The following FBXO32 variants were observed in gnomAD, a reference collection of about 807,000 sequenced individuals.
The protein encoded by FBXO32 is F-box protein 32.
A neutral mutation model predicts 48.3 loss-of-function variants in FBXO32; 15 were observed. The observed-to-expected ratio is 0.31, with a 90% CI of 0.21 to 0.48. FBXO32 has a LOEUF of 0.48. Ranked by LOEUF, FBXO32 falls within the 20% of genes least tolerant of loss-of-function variation. The pLI is 0.99. For synonymous variants in FBXO32, 154 were observed against 165.9 expected (o/e 0.93, Z 0.55); for missense variants, 309 against 432.7 (o/e 0.71, Z 2.54).
At chr8:123,529,714 GC>G (rs1384327901) in intron 4 of FBXO32, among the ~76,000 whole-genome samples, 1 of 152,068 alleles carries the variant, frequency 6.6e-6, no homozygotes, top group Non-Finnish European at 1.5e-5. Context: ...TTACTGTACT[GC>G]CATTTGTTTA....
At chr8:123,522,012 T>A (rs930018240) in intron 4 of FBXO32, among the ~76,000 whole-genome samples, 8 of 152,060 alleles carry the variant, frequency 5.3e-5, no homozygotes, top group African/African-American at 1.9e-4. Flanking sequence ...CACTGACAGG[T>A]TGAAAGAGAA....
chr8:123,498,629 G>A lies in FBXO32; in HGVS notation c.*4744C>T, dbSNP rs970765934. ...GAATCTCATAGCTGGTCCTGAAGGA[G>A]GAAATGGAGAAGATGGATTAAATGT... On this transcript the variant is annotated 3_prime_UTR_variant, in exon 9 of 9. Coordinates refer to ENST00000517956, the MANE Select transcript of FBXO32 (RefSeq NM_058229.4). 4 of 152,196 alleles carry A rather than the reference G, an allele frequency of 2.6e-5. No homozygotes were observed. Among genetic ancestry groups the A allele is most frequent in the Admixed American group, 6.5e-5 (1 of 15,278 alleles). 9.4% of individuals were successfully genotyped at this position (152,196 alleles called of 1,614,324 possible). A position where few individuals can be genotyped will look rare whatever the true frequency, so the allele number is the denominator to read the frequency against.
chr8:123,520,194 C>A (rs1262425136), intron 4 of FBXO32, among the ~76,000 whole-genome samples: 3 of 152,130 alleles, frequency 2.0e-5, no homozygotes, highest in African/African-American at 7.2e-5. Flanking sequence ...GATTCTTTGC[C>A]CCTAGCCACA....
In FBXO32 at chr8:123,533,161, T is replaced by C. The variant is rs1817243414; in HGVS notation, c.279+30A>G. ...GCTATCAGGAAGGGATAAGGTTCAGTATAACTTAGTAAATGAATGGGATGC... is the reference window on the plus strand; with the variant it reads ...GCTATCAGGAAGGGATAAGGTTCAGCATAACTTAGTAAATGAATGGGATGC... On this transcript the variant is annotated intron_variant, in intron 3 of 8. Coordinates refer to ENST00000517956, the MANE Select transcript of FBXO32 (RefSeq NM_058229.4). 5.7e-6 allele frequency: 9 copies of C among 1,568,936 alleles called. No homozygotes were observed. The Middle Eastern group carries it at 5.0e-4, about 87-fold the overall frequency.
At chr8:123,522,883 A>T (rs912824599) in intron 4 of FBXO32, among the ~76,000 whole-genome samples, 2 of 152,206 alleles carry the variant, frequency 1.3e-5, no homozygotes, top group African/African-American at 4.8e-5. Context: ...TTGAATAGTT[A>T]TACTTTGTCC....
intron 1 of FBXO32, among the ~76,000 whole-genome samples, chr8:123,537,172 A>G (rs1042908114): frequency 1.3e-5 from 2 of 152,192 alleles, no homozygotes; most frequent in South Asian, 2.1e-4. Context: ...TGCAAAGCCA[A>G]TGGAAAATTA....
intron 1 of FBXO32, among the ~76,000 whole-genome samples, chr8:123,538,690 T>A (rs1817355782): frequency 6.6e-6 from 1 of 152,204 alleles, no homozygotes; most frequent in Non-Finnish European, 1.5e-5. Flanking sequence ...GCTAGGAGGC[T>A]ACCAAATGAT....
At position 123,504,480 on chromosome 8, in the gene FBXO32, A is replaced by G. The variant is rs1479675343; in HGVS notation, c.978+124T>C. 3 of 457,042 alleles carry G rather than the reference A, an allele frequency of 6.6e-6. 1 individual carries two copies. The East Asian group carries it at 2.3e-4, about 36-fold the overall frequency. The allele number at this position is 457,042 out of a possible 1,614,324, so 28.3% of individuals were successfully genotyped here. On this transcript the variant is annotated intron_variant, in intron 8 of 8. Transcript: ENST00000517956. ...CCAGGCACTGAATCAGTTTACCCTC[A>G]CTTTCAGCTGGGGGCTGTGATGGGG... is the stretch of plus-strand genomic sequence containing the variant.
chr8:123,511,761 C>T (rs1304461924), intron 6 of FBXO32, among the ~76,000 whole-genome samples: 1 of 152,182 alleles, frequency 6.6e-6, no homozygotes, highest in Non-Finnish European at 1.5e-5. Flanking sequence ...CAGACATGAG[C>T]CACTGCACCT....
rs185692403 is a variant in FBXO32, at chr8:123,527,648, C to T, written c.372+4250G>A. On this transcript the variant is annotated intron_variant, in intron 4 of 8. Transcript: ENST00000517956. ...AATTCAGTCTTCAAGTTTTAATCAC[C>T]CTGGAAAGATGGTTGGATATGCTAA... Among the ~76,000 whole-genome samples the T allele has an allele frequency of 3.5e-3, 536 of 152,302 alleles. 2 individuals carry two copies. The highest frequency in any genetic ancestry group is 5.5e-3 in the Non-Finnish European group (377 of 68,032).
intron 3 of FBXO32, among the ~76,000 whole-genome samples, chr8:123,532,595 C>G (rs912427684): frequency 6.6e-6 from 1 of 152,112 alleles, no homozygotes; most frequent in Admixed American, 6.5e-5. Flanking sequence ...CCCCTCTGGA[C>G]CTCAAATCAC....
rs377172703 is a variant in FBXO32 at position 123,541,146 on chromosome 8, G to A, written c.-132C>T. ...CGGCGGGGCGGCGGGAACGGCGCGG[G>A]GCACCCTGCGGGGTGGCGGGCGCGG... On this transcript the variant is annotated 5_prime_UTR_variant, in exon 1 of 9. Coordinates refer to ENST00000517956, the MANE Select transcript of FBXO32 (RefSeq NM_058229.4). The A allele has an allele frequency of 6.8e-6, 3 of 442,982 alleles. No homozygotes were observed. The highest frequency in any genetic ancestry group is 6.2e-5 in the African/African-American group (3 of 48,130). 27.4% of individuals were successfully genotyped at this position (442,982 alleles called of 1,614,324 possible).
Position 123,513,528 on chromosome 8 carries a change from T to G in FBXO32, c.467-146A>C. On this transcript the variant is annotated intron_variant, in intron 5 of 8. Transcript: ENST00000517956. This position sits in a 1 kb window ranked among gnomAD's most constrained non-coding sequence, Gnocchi z 4.3. ...GGTTTTCTTCCTCACCAGTGTTTAT[T>G]GTACGCTTGGCCAAGCTTCTGCACT... The G allele has an allele frequency of 1.4e-6, 1 of 707,432 alleles. No homozygotes were observed. The highest frequency in any genetic ancestry group is 2.3e-6 in the Non-Finnish European group (1 of 435,654). 43.8% of individuals were successfully genotyped at this position (707,432 alleles called of 1,614,324 possible).
chr8:123,504,498 T>G, intron 8 of FBXO32, 106 bp downstream of exon 8: 1 of 753,586 alleles, frequency 1.3e-6, no homozygotes. Flanking sequence ...CTGGGGGCTG[T>G]GATGGGGAAG....
At chr8:123,539,878 C>T (rs943925221) in intron 1 of FBXO32, among the ~76,000 whole-genome samples, 1 of 152,252 alleles carries the variant, frequency 6.6e-6, no homozygotes, top group African/African-American at 2.4e-5. Context: ...AAGGGTGACT[C>T]TGGCTGCACC....
At chr8:123,518,720 T>G (rs1005121172) in intron 4 of FBXO32, among the ~76,000 whole-genome samples, 14 of 152,156 alleles carry the variant, frequency 9.2e-5, no homozygotes, top group African/African-American at 3.1e-4. Context: ...ATTTAACCAT[T>G]GAGGATATTG....
chr8:123,510,887 G>A (rs904195508), intron 6 of FBXO32, among the ~76,000 whole-genome samples: 2 of 152,210 alleles, frequency 1.3e-5, no homozygotes, highest in Non-Finnish European at 2.9e-5. Flanking sequence ...TCAGATCATA[G>A]CTGCTCGGAA....
intron 4 of FBXO32, among the ~76,000 whole-genome samples, chr8:123,519,416 T>G (rs868326719): frequency 2.0e-5 from 3 of 151,702 alleles, no homozygotes; most frequent in South Asian, 2.1e-4. Context: ...CCGGATGCGG[T>G]GGCGGGTGCC....
At chr8:123,521,110 T>C (rs902550376) in intron 4 of FBXO32, among the ~76,000 whole-genome samples, 1 of 152,228 alleles carries the variant, frequency 6.6e-6, no homozygotes, top group African/African-American at 2.4e-5. Context: ...TTGTTCTTCA[T>C]TGTTGCATTT....
Sources: gnomAD v4.1 joint callset for allele counts (sites outside exome capture counted in the v4.1 genomes callset) on GRCh38, gnomAD v4.1.1 for gene constraint, Gnocchi (gnomAD v3.1) non-coding constraint, MANE v1.5 for transcripts, NCBI Gene and HGNC (gene_info 2026-07-23, HGNC 2026-07-21) for gene names.